Variants in SRGAP2B observed in about 807,000 individuals in gnomAD.
SRGAP2B encodes SLIT-ROBO Rho GTPase-activating protein 2B.
A neutral mutation model predicts 22.2 loss-of-function variants in SRGAP2B; 9 were observed. The ratio of observed to expected loss-of-function variants is 0.41; its 90% confidence interval spans 0.24 to 0.71. The LOEUF is 0.71. SRGAP2B is among the 30% of genes least tolerant of loss of function. The pLI, the probability that SRGAP2B is intolerant of heterozygous loss-of-function variation, is 0.35. For synonymous variants in SRGAP2B, 36 were observed against 87.4 expected, an observed-to-expected ratio of 0.41 and a Z score of 3.28; for missense variants, 114 against 235.8, an observed-to-expected ratio of 0.48 and a Z score of 3.38.
intron 2 of SRGAP2B, among the ~76,000 whole-genome samples, chr1:145,051,187 C>T (rs1553629563): frequency 2.3e-5 from 3 of 127,752 alleles, no homozygotes. Flanking sequence ...AGGGAAGCTG[C>T]AATATTTGGA....
At chr1:144,954,847 C>G (rs1411947701) in intron 4 of SRGAP2B, among the ~76,000 whole-genome samples, 1 of 149,784 alleles carries the variant, frequency 6.7e-6, no homozygotes, top group Admixed American at 6.6e-5. Flanking sequence ...AGACATACCA[C>G]GATAAGAATA....
intron 2 of SRGAP2B, among the ~76,000 whole-genome samples, chr1:145,085,075 T>C (rs1168073922): frequency 1.3e-5 from 2 of 151,562 alleles, no homozygotes; most frequent in African/African-American, 4.9e-5. Flanking sequence ...CCTGAGTAGC[T>C]GGGATTACAG....
rs370443273 is a variant in SRGAP2B, at chr1:145,041,075, GTATATATA to G, written c.68-45883_68-45876del. 5.7e-3 allele frequency among the ~76,000 whole-genome samples: 435 copies of G among 76,212 alleles called. 1 individual carries two copies. Among genetic ancestry groups the G allele is most frequent in the South Asian group, 7.6e-3 (17 of 2,226 alleles). The allele number at this position is 76,212 out of a possible 152,430, so 50.0% of individuals were successfully genotyped here. ...ATCATTTGTTGCATGTATATATATA[GTATATATA>G]TATATATATATATATATATATATAG... On this transcript the variant is annotated intron_variant, in intron 2 of 9. Transcript: ENST00000612199.
chr1:144,921,720 GTT>G (rs1222378816), intron 4 of SRGAP2B, among the ~76,000 whole-genome samples: 26 of 103,462 alleles, frequency 2.5e-4, no homozygotes, highest in Non-Finnish European at 5.6e-5. Context: ...GAAGAGATAG[GTT>G]TTACCTTTTT....
intron 2 of SRGAP2B, among the ~76,000 whole-genome samples, chr1:145,010,556 G>T (rs1671977482): frequency 1.4e-5 from 2 of 141,086 alleles, no homozygotes; most frequent in Non-Finnish European, 3.1e-5. Context: ...CTTTGGTAGA[G>T]AAAAAAGTAC....
intron 4 of SRGAP2B, among the ~76,000 whole-genome samples, chr1:144,934,030 T>A (rs1218361114): frequency 1.3e-5 from 2 of 148,222 alleles, no homozygotes; most frequent in Non-Finnish European, 3.0e-5. Flanking sequence ...CAACAGGAAT[T>A]TGGTCCAGGA....
intron 2 of SRGAP2B, among the ~76,000 whole-genome samples, chr1:145,062,919 G>C (rs1651075140): frequency 4.1e-5 from 6 of 145,346 alleles, no homozygotes. Context: ...TTTACTCTCT[G>C]CCAATAGAGG....
At chr1:145,007,171 A>G (rs1553621249) in intron 2 of SRGAP2B, among the ~76,000 whole-genome samples, 1 of 150,588 alleles carries the variant, frequency 6.6e-6, no homozygotes, top group Non-Finnish European at 1.5e-5. Flanking sequence ...ACTGAGGTTC[A>G]GAGAGATCAG....
intron 2 of SRGAP2B, among the ~76,000 whole-genome samples, chr1:145,036,456 G>C (rs1648729309): frequency 1.2e-5 from 1 of 81,616 alleles, no homozygotes; most frequent in African/African-American, 5.4e-5. Flanking sequence ...AATATTAATA[G>C]TATCAGCTAC....
intron 2 of SRGAP2B, among the ~76,000 whole-genome samples, chr1:145,012,805 C>T (rs1361270229): frequency 2.1e-5 from 3 of 142,638 alleles, no homozygotes; most frequent in Non-Finnish European, 4.5e-5. Context: ...GTGTGATGGG[C>T]CAGGTGTGGT....
chr1:145,076,357 C>T (rs1652504460), intron 2 of SRGAP2B, among the ~76,000 whole-genome samples: 1 of 149,664 alleles, frequency 6.7e-6, no homozygotes, highest in Admixed American at 6.6e-5. Flanking sequence ...TACCTGTATA[C>T]ACAAAAATCT....
intron 2 of SRGAP2B, among the ~76,000 whole-genome samples, chr1:145,005,941 C>G (rs1174950468): frequency 6.6e-6 from 1 of 150,420 alleles, no homozygotes; most frequent in Non-Finnish European, 1.5e-5. Flanking sequence ...TATTGAGGGC[C>G]TGCTCTGCCA....
exon 10 of SRGAP2B, chr1:144,888,798 G>A (rs1226042645): frequency 7.1e-5 from 6 of 83,996 alleles, no homozygotes; most frequent in African/African-American, 2.9e-4. Flanking sequence ...ACCACGCCCA[G>A]CTAATTTTTT....
At chr1:145,019,141 G>A (rs1376641797) in intron 2 of SRGAP2B, among the ~76,000 whole-genome samples, 106 of 43,148 alleles carry the variant, frequency 2.5e-3, no homozygotes, top group South Asian at 0.02. Context: ...CCAGGGGTTC[G>A]AGACCAGCCT....
chr1:144,933,458 TC>T, intron 4 of SRGAP2B, among the ~76,000 whole-genome samples: 1 of 143,290 alleles, frequency 7.0e-6, no homozygotes, highest in Middle Eastern at 3.6e-3. Context: ...CAACTCCCTA[TC>T]CTTAACTCTT....
At chr1:145,063,320 GTCAA>G (rs1418392623) in intron 2 of SRGAP2B, among the ~76,000 whole-genome samples, 2 of 114,764 alleles carry the variant, frequency 1.7e-5, no homozygotes, top group Non-Finnish European at 3.5e-5. Flanking sequence ...TTGGAAAGCT[GTCAA>G]TCAATGAAAC....
intron 4 of SRGAP2B, among the ~76,000 whole-genome samples, chr1:144,928,775 A>G (rs1245341971): frequency 1.5e-5 from 2 of 136,526 alleles, no homozygotes; most frequent in African/African-American, 2.9e-5. Flanking sequence ...ACATTTGTGT[A>G]TAAGTTCTTG....
chr1:145,019,749 T>C (rs587607554), intron 2 of SRGAP2B, among the ~76,000 whole-genome samples: 10 of 140,436 alleles, frequency 7.1e-5, no homozygotes, highest in Non-Finnish European at 1.2e-4. Context: ...ATATAATTGA[T>C]GTAGATATAG....
At chr1:145,020,293 G>A (rs1165833384) in intron 2 of SRGAP2B, among the ~76,000 whole-genome samples, 1 of 133,018 alleles carries the variant, frequency 7.5e-6, no homozygotes, top group Non-Finnish European at 1.6e-5. Context: ...AGGCATAGTG[G>A]TATGTGACTG....
Sources: allele counts gnomAD v4.1 joint callset (sites outside exome capture counted in the v4.1 genomes callset), GRCh38; gene constraint gnomAD v4.1.1; transcripts MANE v1.5; gene names NCBI Gene and HGNC (gene_info 2026-07-23, HGNC 2026-07-21).